The following INPP5B variants were observed in gnomAD, a reference collection of about 807,000 sequenced individuals.
The protein encoded by INPP5B is inositol polyphosphate-5-phosphatase B, also known as type II inositol 1,4,5-trisphosphate 5-phosphatase.
A neutral mutation model predicts 118.5 loss-of-function variants in INPP5B; 90 were observed. The ratio of observed to expected loss-of-function variants is 0.76; its 90% CI spans 0.64 to 0.90. INPP5B has a LOEUF of 0.90. INPP5B is among the 40% of genes least tolerant of loss of function. INPP5B has a pLI of 0.00. For synonymous variants in INPP5B, 385 were observed against 418.9 expected, an observed-to-expected ratio of 0.92 and a Z score of 0.99; for missense variants, 984 against 1,125.6, an observed-to-expected ratio of 0.87 and a Z score of 1.80.
At chr1:37,923,598 C>A (rs566055350) in intron 7 of INPP5B, among the ~76,000 whole-genome samples, 81 of 151,668 alleles carry the variant, frequency 5.3e-4, no homozygotes, top group Middle Eastern at 3.4e-3. Context: ...TAAGAGGATA[C>A]CAACATGAAT....
intron 16 of INPP5B, among the ~76,000 whole-genome samples, chr1:37,877,624 T>C (rs1178098788): frequency 2.0e-5 from 3 of 152,182 alleles, no homozygotes; most frequent in Non-Finnish European, 4.4e-5. Flanking sequence ...TTTCATTCTA[T>C]AGAAATACAC....
At chr1:37,884,441 C>A (rs1050196111) in intron 13 of INPP5B, 4 of 151,978 alleles carry the variant, frequency 2.6e-5, no homozygotes, top group Non-Finnish European at 5.9e-5. Flanking sequence ...CAGAATCACA[C>A]CCAGCTAATT....
chr1:37,939,259 G>T (rs1186959549), intron 6 of INPP5B, among the ~76,000 whole-genome samples: 1 of 149,822 alleles, frequency 6.7e-6, no homozygotes, highest in Non-Finnish European at 1.5e-5. Context: ...ACCTATTCAG[G>T]AGGCTGAGGC....
intron 16 of INPP5B, among the ~76,000 whole-genome samples, chr1:37,876,239 G>A (rs1642795837): frequency 6.6e-6 from 1 of 151,592 alleles, no homozygotes; most frequent in South Asian, 2.1e-4. Flanking sequence ...AAGTAGCTGA[G>A]ACCACAGACA....
At chr1:37,911,851 G>A (rs551696528) in intron 7 of INPP5B, among the ~76,000 whole-genome samples, 2 of 152,290 alleles carry the variant, frequency 1.3e-5, no homozygotes, top group East Asian at 3.9e-4. Flanking sequence ...AGATCCCACT[G>A]CTCAGGGCAA....
rs1167876864 is a variant in INPP5B at position 37,927,777 on chromosome 1, TCCGCCCTCC to T, written c.532+4127_532+4135del. On this transcript the variant is annotated intron_variant, in intron 7 of 23. Coordinates refer to ENST00000373024, the MANE Select transcript of INPP5B (RefSeq NM_005540.3). ...TGGTCTCAATCTCCTGACCTCGTGATCCGCCCTCCTTGGCCTCCCAAAGTGCAGGGATTA... is the reference window on the plus strand; with the variant it reads ...TGGTCTCAATCTCCTGACCTCGTGATTTGGCCTCCCAAAGTGCAGGGATTA... 2.7e-4 allele frequency among the ~76,000 whole-genome samples: 41 copies of T among 152,100 alleles called. 1 individual carries two copies. Among genetic ancestry groups the T allele is most frequent in the Admixed American group, 2.4e-3 (37 of 15,254 alleles).
At chr1:37,940,022 C>T (rs368416934) in intron 6 of INPP5B, among the ~76,000 whole-genome samples, 2 of 152,228 alleles carry the variant, frequency 1.3e-5, no homozygotes, top group South Asian at 2.1e-4. Flanking sequence ...ACAGCAAGAC[C>T]ACAGAGAAGA....
chr1:37,892,593 T>C (rs908932496), intron 7 of INPP5B, among the ~76,000 whole-genome samples: 2 of 152,216 alleles, frequency 1.3e-5, no homozygotes, highest in African/African-American at 4.8e-5. Flanking sequence ...CTGCGAAGAC[T>C]ATTACTAAAC....
chr1:37,878,803 C>G (rs1643003398), intron 15 of INPP5B, among the ~76,000 whole-genome samples: 1 of 151,742 alleles, frequency 6.6e-6, no homozygotes, highest in South Asian at 2.1e-4. Flanking sequence ...GTGTGCACCG[C>G]CATGGCTGGC....
At chr1:37,930,593 C>A (rs1645417107) in intron 7 of INPP5B, 1 of 152,264 alleles carries the variant, frequency 6.6e-6, no homozygotes, top group Non-Finnish European at 1.5e-5. Context: ...CATGGAAACT[C>A]TAGTGATAGT....
At chr1:37,873,929 G>A in intron 18 of INPP5B, 64 bp downstream of exon 18, 14 of 1,291,154 alleles carry the variant, frequency 1.1e-5, no homozygotes, top group Non-Finnish European at 1.4e-5. Context: ...TTAGGAAAAT[G>A]AGCAAATATA....
At chr1:37,927,759 A>T (rs527373030) in intron 7 of INPP5B, among the ~76,000 whole-genome samples, 1 of 151,794 alleles carries the variant, frequency 6.6e-6, no homozygotes, top group Non-Finnish European at 1.5e-5. Flanking sequence ...GGATGGTCTC[A>T]ATCTCCTGAC....
intron 7 of INPP5B, among the ~76,000 whole-genome samples, chr1:37,901,506 G>A (rs946369045): frequency 6.6e-6 from 1 of 152,268 alleles, no homozygotes; most frequent in African/African-American, 2.4e-5. Flanking sequence ...GTACTTCCTA[G>A]CAGACTGAAA....
chr1:37,883,074 C>A, intron 13 of INPP5B, 156 bp from the exon 14 acceptor site: 1 of 985,400 alleles, frequency 1.0e-6, no homozygotes, highest in Non-Finnish European at 1.2e-6. Flanking sequence ...CTCGCCATCC[C>A]ATTTAATAAT....
intron 7 of INPP5B, among the ~76,000 whole-genome samples, chr1:37,895,394 T>TGAG (rs1643990347): frequency 6.6e-6 from 1 of 152,204 alleles, no homozygotes; most frequent in South Asian, 2.1e-4. Context: ...TTCGGGAGGC[T>TGAG]GAGGCAGGAG....
Position 37,943,651 on chromosome 1 carries a change from A to C in INPP5B, c.269T>G (p.Leu90Arg), listed in dbSNP as rs1646016621. ...AGAGGACCACTCACCAAGGATGTAG[A>C]GTTCACCATCTGGGGACACTGTGGG... is the stretch of plus-strand genomic sequence containing the variant. Reference protein sequence around the residue: ...TLEEVSPDGELYILGSDVTVQ... With the variant: ...TLEEVSPDGERYILGSDVTVQ... Residue 90 changes from leucine to arginine, a missense_variant, in exon 5 of 24, where the codon CTC (leucine) becomes CGC (arginine). Leu to Arg is a moderately radical substitution (Grantham distance 102, BLOSUM62 -2). Transcript: ENST00000373024. 2 of 1,613,884 alleles carry C rather than the reference A, an allele frequency of 1.2e-6. No individual in the cohort carries two copies. Among genetic ancestry groups the C allele is most frequent in the African/African-American group, 2.7e-5 (2 of 74,870 alleles).
intron 7 of INPP5B, among the ~76,000 whole-genome samples, chr1:37,900,102 G>C: frequency 7.9e-6 from 1 of 126,804 alleles, no homozygotes; most frequent in Non-Finnish European, 1.6e-5. Flanking sequence ...TTTTGAGACA[G>C]CGTCTCACTC....
intron 20 of INPP5B, among the ~76,000 whole-genome samples, chr1:37,867,725 T>A (rs1642131458): frequency 6.6e-6 from 1 of 152,206 alleles, no homozygotes; most frequent in Non-Finnish European, 1.5e-5. Context: ...GAAACCTATA[T>A]AAACAGGTCA....
chr1:37,940,739 AG>A lies in INPP5B; in HGVS notation c.339del (p.Phe114LeufsTer53). The A allele has an allele frequency of 6.2e-7, 1 of 1,614,044 alleles. No homozygotes were observed. Among genetic ancestry groups the A allele is most frequent in the Non-Finnish European group, 8.5e-7 (1 of 1,179,936 alleles). On this transcript the variant is annotated frameshift_variant, in exon 6 of 24. Transcript: ENST00000373024. LOFTEE classifies it high-confidence loss of function. ...TAELSLVFQL[P>X]FGSQTRMFLH... ...AGGAACATCCTGGTTTGTGAACCAA[AG>A]GGCAGTTGGAATACGAGGCTAAGCT...
Sources: allele counts gnomAD v4.1 joint callset (sites outside exome capture counted in the v4.1 genomes callset), GRCh38; gene constraint gnomAD v4.1.1; transcripts MANE v1.5; gene names NCBI Gene and HGNC (gene_info 2026-07-23, HGNC 2026-07-21).